Variants in PCDH15 observed in about 807,000 individuals in gnomAD.
PCDH15 encodes protocadherin-15.
In PCDH15, 129 loss-of-function variants were observed where a neutral mutation model predicts 178.5. That is an observed-to-expected ratio of 0.72 (90% confidence interval 0.63 to 0.84). PCDH15 has a LOEUF of 0.84. Ranked by LOEUF, PCDH15 falls within the 40% of genes least tolerant of loss-of-function variation. The probability of loss-of-function intolerance (pLI) is 0.00; values close to 1 mark genes in which losing one functional copy is unlikely to be tolerated. For missense variants in PCDH15, 2,230 were observed against 2,099.9 expected (o/e 1.06, Z -1.21); for synonymous variants, 800 against 732.0 (o/e 1.09, Z -1.50).
At chr10:55,097,833 G>GA (rs1842482632) in intron 2 of PCDH15, among the ~76,000 whole-genome samples, 1 of 152,068 alleles carries the variant, frequency 6.6e-6, no homozygotes, top group South Asian at 2.1e-4. Flanking sequence ...AGTTGAGAGG[G>GA]AAACACTCTG....
chr10:54,084,461 A>T (rs2094486332), intron 16 of PCDH15, among the ~76,000 whole-genome samples: 1 of 151,744 alleles, frequency 6.6e-6, no homozygotes, highest in African/African-American at 2.4e-5. Flanking sequence ...AGACAGAACA[A>T]GACTCCATCT....
At chr10:55,198,704 C>T (rs561101395) in intron 1 of PCDH15, among the ~76,000 whole-genome samples, 57 of 151,428 alleles carry the variant, frequency 3.8e-4, no homozygotes, top group African/African-American at 1.3e-3. Context: ...ACCGTGGTCT[C>T]GATCTCCTGA....
chr10:54,028,999 T>G (rs2093213351), intron 18 of PCDH15, among the ~76,000 whole-genome samples: 1 of 152,136 alleles, frequency 6.6e-6, no homozygotes, highest in East Asian at 1.9e-4. Flanking sequence ...TTAAGGTGAC[T>G]GAGACACACA....
At chr10:55,043,166 A>T (rs2131979282) in intron 2 of PCDH15, among the ~76,000 whole-genome samples, 1 of 152,174 alleles carries the variant, frequency 6.6e-6, no homozygotes, top group Non-Finnish European at 1.5e-5. Flanking sequence ...AGAGGGAAGT[A>T]GATTTTTTTT....
intron 2 of PCDH15, among the ~76,000 whole-genome samples, chr10:55,601,750 G>C (rs1432722691): frequency 6.6e-6 from 1 of 152,130 alleles, no homozygotes; most frequent in African/African-American, 2.4e-5. Context: ...TCTTCAGATA[G>C]TATTGAAAAA....
chr10:54,690,317 T>TC (rs2095097678), intron 1 of PCDH15, among the ~76,000 whole-genome samples: 1 of 150,478 alleles, frequency 6.6e-6, no homozygotes, highest in East Asian at 1.9e-4. Context: ...TACCTTTTTT[T>TC]TTTTTTTTTT....
At chr10:54,412,155 G>A (rs149380108) in intron 3 of PCDH15, among the ~76,000 whole-genome samples, 42 of 151,520 alleles carry the variant, frequency 2.8e-4, no homozygotes, top group African/African-American at 9.9e-4. Context: ...ATGGAGGTCA[G>A]TAAACAAACT....
chr10:53,884,334 G>A (rs186884275), intron 26 of PCDH15, among the ~76,000 whole-genome samples: 63 of 152,124 alleles, frequency 4.1e-4, no homozygotes, highest in African/African-American at 1.5e-3. Context: ...TAACAAAGAG[G>A]GTATCATAAA....
At chr10:55,455,377 GT>G (rs1449402938) in intron 2 of PCDH15, among the ~76,000 whole-genome samples, 3 of 151,962 alleles carry the variant, frequency 2.0e-5, no homozygotes, top group African/African-American at 4.8e-5. Flanking sequence ...TTATCCTTAA[GT>G]TTTTTTCAAG....
chr10:54,976,655 T>C (rs1435303827), intron 2 of PCDH15, among the ~76,000 whole-genome samples: 2 of 152,208 alleles, frequency 1.3e-5, no homozygotes, highest in African/African-American at 4.8e-5. Context: ...GTCTCATCTA[T>C]AGGAGCAACT....
chr10:54,632,135 A>G (rs1287257832), intron 2 of PCDH15, among the ~76,000 whole-genome samples: 1 of 152,138 alleles, frequency 6.6e-6, no homozygotes, highest in African/African-American at 2.4e-5. Flanking sequence ...TTACAGCAAC[A>G]TGGATGCAGC....
chr10:55,024,182 G>A (rs1037017143), intron 2 of PCDH15, among the ~76,000 whole-genome samples: 26 of 145,972 alleles, frequency 1.8e-4, no homozygotes, highest in African/African-American at 6.2e-4. Flanking sequence ...TATATAGAGA[G>A]AGGAAGGAAT....
At chr10:54,302,512 G>A (rs938271469) in intron 8 of PCDH15, among the ~76,000 whole-genome samples, 1 of 152,062 alleles carries the variant, frequency 6.6e-6, no homozygotes, top group Non-Finnish European at 1.5e-5. Flanking sequence ...GCCTAAGAGA[G>A]ACCCGTCGCA....
At chr10:54,433,608 A>T (rs2136031901) in intron 3 of PCDH15, among the ~76,000 whole-genome samples, 1 of 152,236 alleles carries the variant, frequency 6.6e-6, no homozygotes, top group South Asian at 2.1e-4. Flanking sequence ...GTAAGAAAGA[A>T]GCAACAAAAC....
chr10:54,236,447 T>C (rs1324513040), intron 9 of PCDH15, among the ~76,000 whole-genome samples: 1 of 152,230 alleles, frequency 6.6e-6, no homozygotes, highest in African/African-American at 2.4e-5. Context: ...CAATTATGTA[T>C]AGTAACCAAC....
rs1207372221 is a variant in PCDH15 at position 54,330,303 on chromosome 10, A to G, written c.595-597T>C. On this transcript the variant is annotated intron_variant, in intron 6 of 37. Coordinates refer to ENST00000644397, the MANE Select transcript of PCDH15 (RefSeq NM_001384140.1). Reference sequence around the variant, plus strand: ...AACCTAAAATGGTACAGCCTACTACATACTAGGACAAGTGATATAGCCTAT... The same window carrying G: ...AACCTAAAATGGTACAGCCTACTACGTACTAGGACAAGTGATATAGCCTAT... Among the ~76,000 whole-genome samples the G allele has an allele frequency of 7.9e-5, 12 of 151,924 alleles. No homozygotes were observed. The East Asian group carries it at 2.3e-3, about 29-fold the overall frequency.
chr10:55,073,134 C>T (rs1184589624), intron 2 of PCDH15, among the ~76,000 whole-genome samples: 1 of 151,964 alleles, frequency 6.6e-6, no homozygotes, highest in African/African-American at 2.4e-5. Flanking sequence ...AAACTCACAG[C>T]CAATATCATA....
At chr10:55,443,826 C>T (rs1455561635) in intron 2 of PCDH15, among the ~76,000 whole-genome samples, 3 of 152,124 alleles carry the variant, frequency 2.0e-5, no homozygotes, top group Non-Finnish European at 2.9e-5. Context: ...TATAAAGACA[C>T]ATGCACATGT....
intron 2 of PCDH15, among the ~76,000 whole-genome samples, chr10:55,087,009 T>C (rs1842187691): frequency 6.6e-6 from 1 of 152,080 alleles, no homozygotes; most frequent in South Asian, 2.1e-4. Flanking sequence ...TAGTTTTATA[T>C]CAATTATAAA....
Sources: allele counts gnomAD v4.1 joint callset (sites outside exome capture counted in the v4.1 genomes callset), GRCh38; gene constraint gnomAD v4.1.1; transcripts MANE v1.5; gene names NCBI Gene and HGNC (gene_info 2026-07-23, HGNC 2026-07-21).